Variants in PDE11A observed in about 807,000 individuals in gnomAD.
PDE11A encodes dual 3',5'-cyclic-AMP and -GMP phosphodiesterase 11A.
PDE11A carries 100 observed loss-of-function variants against 100.5 expected under a neutral mutation model. The observed-to-expected ratio is 1.00, with a 90% CI of 0.85 to 1.18. The LOEUF is 1.18. Among genes scored for constraint, PDE11A ranks in the 50% most tolerant of loss-of-function variants. The pLI is 0.00. For synonymous variants in PDE11A, 381 were observed against 420.8 expected (o/e 0.91, Z 1.16); for missense variants, 1,141 against 1,152.6 (o/e 0.99, Z 0.15).
rs767829748 is a variant in PDE11A at position 178,072,398 on chromosome 2, A to G, written c.40T>C (p.Phe14Leu). 6.2e-7 allele frequency: 1 copy of G among 1,613,686 alleles called. No homozygotes were observed. The highest frequency in any genetic ancestry group is 8.5e-7 in the Non-Finnish European group (1 of 1,180,028). The change falls in exon 1 of 20, where the codon TTC becomes CTC. Residue 14 changes from phenylalanine to leucine, a missense_variant. Coordinates refer to ENST00000286063, the MANE Select transcript of PDE11A (RefSeq NM_016953.4). Reference protein sequence around the residue: ...SRLDFGEVETFLDRHPELFED... With the variant: ...SRLDFGEVETLLDRHPELFED... Reference sequence around the variant, plus strand: ...AACAACTCTGGGTGCCTGTCCAGGAAAGTTTCCACCTCCCCAAAGTCCAGG... The same window carrying G: ...AACAACTCTGGGTGCCTGTCCAGGAGAGTTTCCACCTCCCCAAAGTCCAGG...
chr2:177,867,906 C>T lies in PDE11A; in HGVS notation c.1367+7953G>A, dbSNP rs192808753. On this transcript the variant is annotated intron_variant, in intron 5 of 19. Coordinates refer to ENST00000286063, the MANE Select transcript of PDE11A (RefSeq NM_016953.4). ...AAAGGGTGGTAACCCAGACATCTCT[C>T]GAGTCTTGCTAAGAGCTCCTTGGAC... 6.6e-5 allele frequency among the ~76,000 whole-genome samples: 10 copies of T among 152,288 alleles called. No individual in the cohort carries two copies. In the East Asian group the frequency reaches 1.4e-3, roughly 21 times the overall value.
chr2:177,926,777 A>G (rs977478685), intron 2 of PDE11A: 4 of 152,022 alleles, frequency 2.6e-5, no homozygotes, highest in African/African-American at 7.2e-5. Flanking sequence ...TCAGTCTCCC[A>G]CTATTCAGAT....
intron 2 of PDE11A, among the ~76,000 whole-genome samples, chr2:177,929,030 T>C (rs1319285838): frequency 6.6e-6 from 1 of 152,216 alleles, no homozygotes; most frequent in African/African-American, 2.4e-5. Context: ...GAAATCTTTT[T>C]TCTTCAAAAG....
rs1386823858 is a variant in PDE11A at position 177,637,995 on chromosome 2, A to T, written c.2647-8433T>A. On this transcript the variant is annotated intron_variant, in intron 19 of 19. Coordinates refer to ENST00000286063, the MANE Select transcript of PDE11A (RefSeq NM_016953.4). ...TATACACGTGTATATATATATATATATATTTTTTTTTTTTTTTTTTTTGAG... is the reference window on the plus strand; with the variant it reads ...TATACACGTGTATATATATATATATTTATTTTTTTTTTTTTTTTTTTTGAG... Among the ~76,000 whole-genome samples, 50 of 54,126 alleles carry T rather than the reference A, an allele frequency of 9.2e-4. 3 individuals carry two copies. The highest frequency in any genetic ancestry group is 2.6e-3 in the South Asian group (4 of 1,536). The allele number at this position is 54,126 out of a possible 152,430, so 35.5% of individuals were successfully genotyped here. A position where few individuals can be genotyped will look rare whatever the true frequency, so the allele number is the denominator to read the frequency against.
intron 19 of PDE11A, among the ~76,000 whole-genome samples, chr2:177,646,330 T>C (rs2105453597): frequency 6.6e-6 from 1 of 152,340 alleles, no homozygotes; most frequent in African/African-American, 2.4e-5. Context: ...CTTGCTGTGA[T>C]AGAAAGTAAA....
chr2:177,871,293 C>T (rs1192249208), intron 5 of PDE11A, among the ~76,000 whole-genome samples: 1 of 151,894 alleles, frequency 6.6e-6, no homozygotes, highest in Non-Finnish European at 1.5e-5. Context: ...AGAAAGTGAG[C>T]CTTCTTCCCA....
chr2:177,834,770 CT>C (rs1383873023), intron 6 of PDE11A, among the ~76,000 whole-genome samples: 1 of 152,074 alleles, frequency 6.6e-6, no homozygotes, highest in African/African-American at 2.4e-5. Flanking sequence ...TGCACCTAAG[CT>C]TTTTTTTCTT....
At position 178,027,764 on chromosome 2, in the gene PDE11A, T is replaced by C. The variant is rs114877175; in HGVS notation, c.913-13304A>G. Among the ~76,000 whole-genome samples the C allele has an allele frequency of 4.4e-3, 665 of 152,298 alleles. 2 individuals carry two copies. Among genetic ancestry groups the C allele is most frequent in the Non-Finnish European group, 7.6e-3 (515 of 68,018 alleles). On this transcript the variant is annotated intron_variant, in intron 1 of 19. Coordinates refer to ENST00000286063, the MANE Select transcript of PDE11A (RefSeq NM_016953.4). ...AGAACAGAAGACTGTCAAGATACTA[T>C]AATTGGGCAATGTTCTGATATGTGA...
chr2:177,713,800 TAAGTTA>T (rs2081391896), intron 12 of PDE11A, among the ~76,000 whole-genome samples: 1 of 152,084 alleles, frequency 6.6e-6, no homozygotes, highest in African/African-American at 2.4e-5. Context: ...TTAGTTTTTC[TAAGTTA>T]ATTTTATTTT....
chr2:177,931,374 T>C (rs1045221325), intron 2 of PDE11A, among the ~76,000 whole-genome samples: 1 of 152,348 alleles, frequency 6.6e-6, no homozygotes, highest in South Asian at 2.1e-4. Context: ...TTATCATTTC[T>C]GTCGTGAGAA....
At chr2:177,678,988 A>G (rs1160641051) in intron 16 of PDE11A, among the ~76,000 whole-genome samples, 1 of 151,660 alleles carries the variant, frequency 6.6e-6, no homozygotes, top group Non-Finnish European at 1.5e-5. Context: ...TGGTGGGGGG[A>G]AGAAGGGCTA....
At chr2:177,795,826 C>G (rs1175786753) in intron 9 of PDE11A, among the ~76,000 whole-genome samples, 1 of 150,946 alleles carries the variant, frequency 6.6e-6, no homozygotes, top group Non-Finnish European at 1.5e-5. Context: ...CTCCCTAAGA[C>G]TCTGCATCAT....
intron 2 of PDE11A, among the ~76,000 whole-genome samples, chr2:177,980,105 A>T (rs2085863049): frequency 6.7e-6 from 1 of 150,272 alleles, no homozygotes; most frequent in Non-Finnish European, 1.5e-5. Flanking sequence ...CAGTCAAAAA[A>T]GTTTCAAACC....
intron 4 of PDE11A, among the ~76,000 whole-genome samples, chr2:177,876,252 A>T (rs527990781): frequency 6.6e-6 from 1 of 152,340 alleles, no homozygotes; most frequent in East Asian, 1.9e-4. Flanking sequence ...TCTTTTAACA[A>T]CCCAATCAAC....
At chr2:178,067,091 T>C (rs745517152) in intron 1 of PDE11A, among the ~76,000 whole-genome samples, 3 of 152,140 alleles carry the variant, frequency 2.0e-5, no homozygotes, top group Non-Finnish European at 4.4e-5. Context: ...CCCTCCCTCC[T>C]TTCCCAAATC....
chr2:178,105,780 C>T (rs538097273), intron 1 of PDE11A: 119 of 991,894 alleles, frequency 1.2e-4, no homozygotes, highest in Non-Finnish European at 5.3e-6. Flanking sequence ...ATCACTTCCT[C>T]CACCCCTCCC....
intron 2 of PDE11A, among the ~76,000 whole-genome samples, chr2:177,985,635 G>A (rs1336158495): frequency 2.0e-5 from 3 of 152,150 alleles, no homozygotes; most frequent in East Asian, 1.9e-4. Context: ...TGAACTCAAC[G>A]TTAAGAAACA....
chr2:177,783,605 C>T (rs1013849726), intron 9 of PDE11A, among the ~76,000 whole-genome samples: 5 of 152,216 alleles, frequency 3.3e-5, no homozygotes, highest in African/African-American at 1.2e-4. Flanking sequence ...CAGATTGCCA[C>T]TGCATTACTC....
chr2:177,890,518 G>C (rs2084512999), intron 4 of PDE11A, among the ~76,000 whole-genome samples: 1 of 152,186 alleles, frequency 6.6e-6, no homozygotes, highest in Admixed American at 6.5e-5. Flanking sequence ...ACTGAATTAA[G>C]TAGCCCTCCC....
Sources: allele counts gnomAD v4.1 joint callset (sites outside exome capture counted in the v4.1 genomes callset), GRCh38; gene constraint gnomAD v4.1.1; transcripts MANE v1.5; gene names NCBI Gene and HGNC (gene_info 2026-07-23, HGNC 2026-07-21).